The following LTBP1 variants were observed in gnomAD, a reference collection of about 807,000 sequenced individuals.
The protein encoded by LTBP1 is latent transforming growth factor beta binding protein 1, also known as latent-transforming growth factor beta-binding protein 1.
A neutral mutation model predicts 207.6 loss-of-function variants in LTBP1; 129 were observed. The observed-to-expected ratio is 0.62, with a 90% CI of 0.54 to 0.72. LTBP1 has a LOEUF of 0.72. LTBP1 is among the 30% of genes least tolerant of loss of function. The probability of loss-of-function intolerance (pLI) is 0.00; values close to 1 mark genes in which losing one functional copy is unlikely to be tolerated. For missense variants in LTBP1, 2,281 were observed against 2,217.2 expected, an observed-to-expected ratio of 1.03 and a Z score of -0.58; for synonymous variants, 963 against 833.7, an observed-to-expected ratio of 1.16 and a Z score of -2.67.
intron 2 of LTBP1, among the ~76,000 whole-genome samples, chr2:32,975,407 A>G (rs1681550656): frequency 6.6e-6 from 1 of 152,040 alleles, no homozygotes. Flanking sequence ...TATTTCCTGA[A>G]TTTGAATGTT....
rs56791136 is a variant in LTBP1, at chr2:33,018,152, GT to G, written c.566-2745del. 6.8e-3 allele frequency among the ~76,000 whole-genome samples: 991 copies of G among 145,922 alleles called. 23 individuals are homozygous for G. Among genetic ancestry groups the G allele is most frequent in the East Asian group, 0.064 (321 of 4,992 alleles). On this transcript the variant is annotated intron_variant, in intron 2 of 33. Coordinates refer to ENST00000404816, the MANE Select transcript of LTBP1 (RefSeq NM_206943.4). ...AGTAGAAAATATTTGTAAGTTCAAA[GT>G]TTTTTTTTTTTAACTTTTATGACTG...
intron 7 of LTBP1, among the ~76,000 whole-genome samples, chr2:33,203,227 C>T (rs1374635012): frequency 6.6e-6 from 1 of 152,142 alleles, no homozygotes; most frequent in Admixed American, 6.5e-5. Flanking sequence ...GCAACCTCTG[C>T]CAGATTGACT....
At position 33,279,964 on chromosome 2, in the gene LTBP1, T is replaced by A. The variant is rs116166220; in HGVS notation, c.2993-75T>A. ...GTAGATATAACATGCTTTCCCCCGC[T>A]GCCTTCATCACAAAGTAAGATTTTG... On this transcript the variant is annotated intron_variant, in intron 18 of 33. Transcript: ENST00000404816. 1.7e-3 allele frequency: 2,673 copies of A among 1,530,456 alleles called. 52 individuals carry two copies. The African/African-American group carries it at 0.033, about 19-fold the overall frequency. The allele number at this position is 1,530,456 out of a possible 1,614,324, so 94.8% of individuals were successfully genotyped here. A position where few individuals can be genotyped will look rare whatever the true frequency, so the allele number is the denominator to read the frequency against.
chr2:33,218,214 T>C (rs952683166), intron 8 of LTBP1, among the ~76,000 whole-genome samples: 3 of 152,202 alleles, frequency 2.0e-5, no homozygotes, highest in Non-Finnish European at 2.9e-5. Flanking sequence ...TTTTATGCTG[T>C]CACAGACCTC....
At chr2:33,269,550 A>G (rs1336039236) in intron 15 of LTBP1, among the ~76,000 whole-genome samples, 1 of 152,190 alleles carries the variant, frequency 6.6e-6, no homozygotes, top group Non-Finnish European at 1.5e-5. Flanking sequence ...AGACATTCCC[A>G]TTCACCAGCA....
chr2:33,098,574 A>AAAATTCACT (rs2079525623), intron 3 of LTBP1, among the ~76,000 whole-genome samples: 1 of 151,226 alleles, frequency 6.6e-6, no homozygotes, highest in Admixed American at 6.6e-5. Flanking sequence ...CTTGGACTAC[A>AAAATTCACT]GGCGCATGCC....
chr2:33,278,110 G>A (rs2093484346), intron 18 of LTBP1, among the ~76,000 whole-genome samples: 2 of 151,910 alleles, frequency 1.3e-5, no homozygotes, highest in African/African-American at 4.8e-5. Context: ...GGGATTACAG[G>A]TGTGAGCTAC....
intron 2 of LTBP1, among the ~76,000 whole-genome samples, chr2:32,978,303 C>T (rs914252429): frequency 5.9e-5 from 9 of 152,042 alleles, no homozygotes; most frequent in African/African-American, 2.2e-4. Flanking sequence ...AGATCTTTTC[C>T]CCATTCATCA....
At chr2:33,066,987 A>G (rs1358506338) in intron 3 of LTBP1, among the ~76,000 whole-genome samples, 2 of 152,112 alleles carry the variant, frequency 1.3e-5, no homozygotes, top group Admixed American at 6.5e-5. Flanking sequence ...GGCAAACTAG[A>G]CAGAACCCAT....
chr2:33,102,356 C>T (rs1169334180), intron 3 of LTBP1, among the ~76,000 whole-genome samples: 1 of 152,162 alleles, frequency 6.6e-6, no homozygotes, highest in East Asian at 1.9e-4. Context: ...AGGCTGCCAT[C>T]TCCAAGTCTT....
At chr2:33,364,079 GATGATAA>G in intron 29 of LTBP1, 130 bp from the exon 30 acceptor site, 1 of 709,330 alleles carries the variant, frequency 1.4e-6, no homozygotes, top group Non-Finnish European at 2.3e-6. Context: ...CTCTCTTTTG[GATGATAA>G]TGTGTGGTTA....
chr2:32,977,358 A>G (rs1681964718), intron 2 of LTBP1, among the ~76,000 whole-genome samples: 2 of 152,214 alleles, frequency 1.3e-5, no homozygotes. Flanking sequence ...TTCCCAGTAC[A>G]GCAGGAGGCT....
chr2:33,098,560 G>A (rs1194071818), intron 3 of LTBP1, among the ~76,000 whole-genome samples: 4 of 151,900 alleles, frequency 2.6e-5, no homozygotes, highest in Admixed American at 2.6e-4. Context: ...AGCCTCCTGA[G>A]CAGCTTGGAC....
At position 33,293,144 on chromosome 2, in the gene LTBP1, C is replaced by T. The variant is rs551730307; in HGVS notation, c.3113-16C>T. ...TCTTCTTTTTTTGTTCTTTCCATTA[C>T]GCAACATTCTTCAAGATGTGGACGA... On this transcript the variant is annotated splice_polypyrimidine_tract_variant and intron_variant, in intron 19 of 33. Coordinates refer to ENST00000404816, the MANE Select transcript of LTBP1 (RefSeq NM_206943.4). The T allele has an allele frequency of 6.0e-5, 97 of 1,605,318 alleles. No individual in the cohort carries two copies. The East Asian group carries it at 1.6e-3, about 27-fold the overall frequency.
chr2:33,252,565 A>T, intron 10 of LTBP1, 112 bp from the exon 11 acceptor site: 1 of 971,656 alleles, frequency 1.0e-6, no homozygotes, highest in Non-Finnish European at 1.5e-6. Flanking sequence ...AGACAGATTT[A>T]TCCTGAAGTG....
At chr2:33,334,301 G>C (rs189571662) in intron 24 of LTBP1, among the ~76,000 whole-genome samples, 1 of 152,364 alleles carries the variant, frequency 6.6e-6, no homozygotes, top group Non-Finnish European at 1.5e-5. Context: ...GACAGCACGT[G>C]GCAAAGGCCT....
At chr2:33,231,810 A>G (rs6750739) in intron 9 of LTBP1, among the ~76,000 whole-genome samples, 86,297 of 152,052 alleles carry the variant, frequency 0.57, 24,709 homozygotes, top group African/African-American at 0.58. Flanking sequence ...ATTTGCATGC[A>G]ATTAATTATG....
chr2:33,243,634 C>A (rs755730921), intron 9 of LTBP1, 28 bp from the exon 10 acceptor site: 1 of 1,611,290 alleles, frequency 6.2e-7, no homozygotes, highest in Non-Finnish European at 8.5e-7. Flanking sequence ...CTTGACTGCT[C>A]CTTCTAAAGA....
intron 8 of LTBP1, among the ~76,000 whole-genome samples, chr2:33,219,084 G>C (rs1406121914): frequency 6.6e-6 from 1 of 152,066 alleles, no homozygotes; most frequent in African/African-American, 2.4e-5. Flanking sequence ...CAAACTTACA[G>C]ATTTTCTAAA....
Sources: allele counts gnomAD v4.1 joint callset (sites outside exome capture counted in the v4.1 genomes callset), GRCh38; gene constraint gnomAD v4.1.1; transcripts MANE v1.5; gene names NCBI Gene and HGNC (gene_info 2026-07-23, HGNC 2026-07-21).